Variants in RALGDS observed in about 807,000 individuals in gnomAD.
RALGDS encodes ral guanine nucleotide exchange factor.
Under a neutral mutation model 99.8 loss-of-function variants are expected in RALGDS, and 44 were observed. That is an observed-to-expected ratio of 0.44 (90% CI 0.35 to 0.57). The LOEUF (loss-of-function observed/expected upper bound fraction) is 0.57, where lower values mean the gene tolerates loss of function less well. Among genes scored for constraint, RALGDS ranks in the 20% least tolerant of loss-of-function variants. The pLI is 0.01. For synonymous variants in RALGDS, 529 were observed against 505.0 expected (o/e 1.05, Z -0.64); for missense variants, 1,022 against 1,203.1 (o/e 0.85, Z 2.23).
At chr9:133,108,548 G>A (rs1765639106) in intron 5 of RALGDS, 125 bp downstream of exon 5, 2 of 1,424,574 alleles carry the variant, frequency 1.4e-6, no homozygotes, top group East Asian at 2.5e-5. Flanking sequence ...TGTGGTCCCT[G>A]CCTGTGTGGT....
chr9:133,108,325 G>C lies in RALGDS; in HGVS notation c.860C>G (p.Pro287Arg), dbSNP rs374513332. ...TGGCTCTGGCTCCGGGGCTGGAGCC[G>C]GCACTGGGCTGGGTGCTCGAGCTGG... Reference protein sequence around the residue: ...LTPARAPSPVPAPAPEPEPAP... With the variant: ...LTPARAPSPVRAPAPEPEPAP... The change falls in exon 6 of 18, where the codon CCG becomes CGG. Residue 287 changes from proline to arginine, a missense_variant. Coordinates refer to ENST00000372050, the MANE Select transcript of RALGDS (RefSeq NM_006266.4). 6.1e-5 allele frequency: 94 copies of C among 1,544,368 alleles called. No individual in the cohort carries two copies. In the East Asian group the frequency reaches 1.9e-3, roughly 32 times the overall value.
upstream of RALGDS, among the ~76,000 whole-genome samples, chr9:133,134,383 G>A (rs1446398839): frequency 6.6e-6 from 1 of 152,214 alleles, no homozygotes; most frequent in Non-Finnish European, 1.5e-5. Flanking sequence ...CTAGTCTGGC[G>A]CCGCCTTTAG....
In RALGDS at chr9:133,120,978, G is replaced by T; in HGVS notation, c.177C>A (p.Arg59=). 1 of 1,484,790 alleles carries T rather than the reference G, an allele frequency of 6.7e-7. No homozygotes were observed. Among genetic ancestry groups the T allele is most frequent in the Non-Finnish European group, 8.9e-7 (1 of 1,123,604 alleles). The allele number at this position is 1,484,790 out of a possible 1,614,324, so 92.0% of individuals were successfully genotyped here. A position where few individuals can be genotyped will look rare whatever the true frequency, so the allele number is the denominator to read the frequency against. ...ACCGCCCCAGCTCACCCACCTCCGG[G>T]CGCGGCAGGTCGGGGTCTAGCTGCG... ...SFTQLDPDLP[R]PESSTQEIGE... is the part of the protein sequence containing the mutation. The change falls in exon 1 of 18, where the codon CGC becomes CGA. Residue 59 remains arginine, a synonymous_variant. Transcript: ENST00000372050.
intron 1 of RALGDS, among the ~76,000 whole-genome samples, chr9:133,113,198 G>A (rs1050580822): frequency 6.6e-6 from 1 of 152,172 alleles, no homozygotes; most frequent in African/African-American, 2.4e-5. Flanking sequence ...GTACTGGCCT[G>A]GCCCAGGGTC....
At chr9:133,103,328 A>G (rs1157944726) in intron 11 of RALGDS, 66 bp from the exon 12 acceptor site, 1 of 1,593,142 alleles carries the variant, frequency 6.3e-7, no homozygotes, top group African/African-American at 1.3e-5. Context: ...TCCCCACCTC[A>G]TGCTGCACTA....
At chr9:133,114,927 C>T (rs1831525896) in intron 1 of RALGDS, among the ~76,000 whole-genome samples, 1 of 152,206 alleles carries the variant, frequency 6.6e-6, no homozygotes, top group African/African-American at 2.4e-5. Flanking sequence ...CCCCACACCC[C>T]AATGTCTCCA....
chr9:133,098,508 G>A lies in RALGDS; in HGVS notation c.*79C>T. On this transcript the variant is annotated 3_prime_UTR_variant, in exon 18 of 18. Transcript: ENST00000372050. The stretch of plus-strand genomic sequence containing the variant: ...GGGTACCCTGGGCTGGCAGGTGGGA[G>A]GAAGGCGCCCAGCTGGCCTGGGCCA... 1 of 1,492,120 alleles carries A rather than the reference G, an allele frequency of 6.7e-7. No homozygotes were observed. Among genetic ancestry groups the A allele is most frequent in the Non-Finnish European group, 9.3e-7 (1 of 1,079,004 alleles). 92.4% of individuals were successfully genotyped at this position (1,492,120 alleles called of 1,614,324 possible). A position where few individuals can be genotyped will look rare whatever the true frequency, so the allele number is the denominator to read the frequency against.
chr9:133,108,745 C>G lies in RALGDS; in HGVS notation c.706G>C (p.Asp236His). The G allele has an allele frequency of 6.2e-7, 1 of 1,613,718 alleles. No individual in the cohort carries two copies. The highest frequency in any genetic ancestry group is 8.5e-7 in the Non-Finnish European group (1 of 1,180,026). ...AGAAGGTGGGCACGGCGCTCCAGGTCTGAGCCTGGCATGTTGAGCTGCACG... is the reference window on the plus strand; with the variant it reads ...AGAAGGTGGGCACGGCGCTCCAGGTGTGAGCCTGGCATGTTGAGCTGCACG... The part of the protein sequence containing the change: ...AYVQLNMPGS[D>H]LERRAHLLLA... Residue 236 changes from aspartate (D) to histidine (H), a missense_variant, in exon 5 of 18, where the codon GAC (aspartate) becomes CAC (histidine). Transcript: ENST00000372050.
chr9:133,099,944 A>G, intron 17 of RALGDS: 1 of 398,590 alleles, frequency 2.5e-6, no homozygotes, highest in South Asian at 2.3e-5. Flanking sequence ...TGTAGAGCAC[A>G]TGTTTTCTTG....
chr9:133,112,176 C>T (rs1207539681), intron 1 of RALGDS, 24 bp from the exon 2 acceptor site: 7 of 1,527,916 alleles, frequency 4.6e-6, no homozygotes, highest in East Asian at 2.4e-5. Context: ...GCCCGGCAGC[C>T]GGGCGCGGGG....
upstream of RALGDS, among the ~76,000 whole-genome samples, chr9:133,133,916 A>C (rs1347775280): frequency 6.6e-6 from 1 of 152,166 alleles, no homozygotes; most frequent in Non-Finnish European, 1.5e-5. Flanking sequence ...TGTGACTCAG[A>C]GCCAGAGCAG....
intron 1 of RALGDS, among the ~76,000 whole-genome samples, chr9:133,143,156 G>T (rs1025706676): frequency 6.6e-6 from 1 of 152,234 alleles, no homozygotes; most frequent in Non-Finnish European, 1.5e-5. Flanking sequence ...TGTGGCTAGC[G>T]TGCAATGGTG....
At chr9:133,143,393 C>T (rs961203681) in intron 1 of RALGDS, among the ~76,000 whole-genome samples, 3 of 152,182 alleles carry the variant, frequency 2.0e-5, no homozygotes, top group Middle Eastern at 3.2e-3. Flanking sequence ...GCCTCAGGGG[C>T]GGGCCTGGTA....
rs1830917857 is a variant in RALGDS, at chr9:133,104,446, A to G, written c.1603-115T>C. 7.3e-6 allele frequency: 7 copies of G among 962,230 alleles called. No individual in the cohort carries two copies. In the Admixed American group the frequency reaches 1.1e-4, roughly 16 times the overall value. 59.6% of individuals were successfully genotyped at this position (962,230 alleles called of 1,614,324 possible). Reference sequence around the variant, plus strand: ...CAGGGCTGACCCTGTATCAATACTCACTAGTGTGGGGTCCTGGGCCGGTGG... The same window carrying G: ...CAGGGCTGACCCTGTATCAATACTCGCTAGTGTGGGGTCCTGGGCCGGTGG... On this transcript the variant is annotated intron_variant, in intron 9 of 17. Coordinates refer to ENST00000372050, the MANE Select transcript of RALGDS (RefSeq NM_006266.4).
At chr9:133,103,953 C>T (rs566563614) in intron 10 of RALGDS, 120 bp from the exon 11 acceptor site, 77 of 967,914 alleles carry the variant, frequency 8.0e-5, no homozygotes, top group Non-Finnish European at 1.2e-4. Context: ...CTGGGGCCCA[C>T]TGTCTCCCTG....
In RALGDS at chr9:133,110,474, C is replaced by A; in HGVS notation, c.310G>T (p.Ala104Ser). The A allele has an allele frequency of 6.2e-7, 1 of 1,612,438 alleles. No individual in the cohort carries two copies. The highest frequency in any genetic ancestry group is 8.5e-7 in the Non-Finnish European group (1 of 1,179,298). ...TTGCAAGTCTCATAAAGGTTCAGGG[C>A]CGACTCATTCTCATACTGGGGTGGG... ...QRWLGYENES[A>S]LNLYETCKVR... Residue 104 changes from alanine (A) to serine (S), a missense_variant, in exon 3 of 18, where the codon GCC (alanine) becomes TCC (serine). This residue lies in a region of RALGDS where 180 missense variants were observed against 169.3 expected (regional missense o/e 1.06). Transcript: ENST00000372050.
chr9:133,120,961 A>ACCCACCTCCGG lies in RALGDS; in HGVS notation c.183+10_183+11insCCGGAGGTGGG. On this transcript the variant is annotated intron_variant, in intron 1 of 17. Coordinates refer to ENST00000372050, the MANE Select transcript of RALGDS (RefSeq NM_006266.4). ...GACGCACCCCCCGCCCGACCGCCCCAGCTCACCCACCTCCGGGCGCGGCAG... is the reference window on the plus strand; with the variant it reads ...GACGCACCCCCCGCCCGACCGCCCCACCCACCTCCGGGCTCACCCACCTCCGGGCGCGGCAG... 2 of 1,480,252 alleles carry ACCCACCTCCGG rather than the reference A, an allele frequency of 1.4e-6. No individual in the cohort carries two copies. The highest frequency in any genetic ancestry group is 2.5e-5 in the South Asian group (2 of 78,898). The allele number at this position is 1,480,252 out of a possible 1,614,324, so 91.7% of individuals were successfully genotyped here.
At chr9:133,116,138 CCG>C (rs1189601248) in intron 1 of RALGDS, among the ~76,000 whole-genome samples, 4 of 30,140 alleles carry the variant, frequency 1.3e-4, no homozygotes, top group East Asian at 1.5e-3. Context: ...GGCCTCGTGT[CCG>C]TGTCCGTGAC....
chr9:133,133,588 T>G (rs1220700279), upstream of RALGDS, among the ~76,000 whole-genome samples: 1 of 152,188 alleles, frequency 6.6e-6, no homozygotes, highest in Non-Finnish European at 1.5e-5. Context: ...GAGCTCCACC[T>G]GCAGCCTCCC....
Sources: gnomAD v4.1 joint callset for allele counts (sites outside exome capture counted in the v4.1 genomes callset) on GRCh38, gnomAD v4.1.1 for gene constraint, gnomAD v4.1.1 regional missense constraint, MANE v1.5 for transcripts, NCBI Gene and HGNC (gene_info 2026-07-23, HGNC 2026-07-21) for gene names.